The following ZNF407 variants were observed in gnomAD, a reference collection of about 807,000 sequenced individuals.
The protein encoded by ZNF407 is zinc finger protein 407.
ZNF407 carries 17 observed loss-of-function variants against 131.2 expected under a neutral mutation model. The ratio of observed to expected loss-of-function variants is 0.13; its 90% CI spans 0.09 to 0.19. The LOEUF (loss-of-function observed/expected upper bound fraction) is 0.19. Among genes scored for constraint, ZNF407 ranks in the 10% least tolerant of loss-of-function variants. The pLI, the probability that ZNF407 is intolerant of heterozygous loss-of-function variation, is 1.00. For synonymous variants in ZNF407, 1,156 were observed against 1,062.0 expected (o/e 1.09, Z -1.72); for missense variants, 2,681 against 2,830.6 (o/e 0.95, Z 1.20).
chr18:74,770,410 A>G (rs1177007688), intron 3 of ZNF407, among the ~76,000 whole-genome samples: 1 of 151,956 alleles, frequency 6.6e-6, no homozygotes, highest in Non-Finnish European at 1.5e-5. Context: ...AAAATAACCA[A>G]CCTTTCTCTC....
At chr18:74,733,494 T>C (rs979486333) in intron 3 of ZNF407, among the ~76,000 whole-genome samples, 1 of 152,224 alleles carries the variant, frequency 6.6e-6, no homozygotes, top group Admixed American at 6.5e-5. Flanking sequence ...TTCCATTTTA[T>C]CTGTTTCTTA....
At chr18:74,623,844 C>T (rs1983671280) in intron 1 of ZNF407, among the ~76,000 whole-genome samples, 2 of 151,912 alleles carry the variant, frequency 1.3e-5, no homozygotes, top group Non-Finnish European at 2.9e-5. Flanking sequence ...CTTATGTTGA[C>T]AGTCAAGGAA....
intron 4 of ZNF407, among the ~76,000 whole-genome samples, chr18:74,809,742 T>C (rs2145086060): frequency 6.6e-6 from 1 of 152,334 alleles, no homozygotes; most frequent in East Asian, 1.9e-4. Context: ...CCTTTGCACA[T>C]ACATACAAAG....
At chr18:74,755,771 T>TTCTTTCTTTCTTTCTTTC (rs1265035731) in intron 3 of ZNF407, among the ~76,000 whole-genome samples, 23 of 130,572 alleles carry the variant, frequency 1.8e-4, no homozygotes, top group South Asian at 2.6e-4. Flanking sequence ...CTTTCTTTCT[T>TTCTTTCTTTCTTTCTTTC]TCTCTCTCTC....
Position 75,064,740 on chromosome 18 carries a change from T to G in ZNF407, c.*272T>G. On this transcript the variant is annotated 3_prime_UTR_variant, in exon 9 of 9. Transcript: ENST00000299687. ...GGGAGCTCCGGTCCACTGGGGGCCC[T>G]TCGATCAGTGGCCTCCCGCTTCGTC... 2 of 366,436 alleles carry G rather than the reference T, an allele frequency of 5.5e-6. No homozygotes were observed. Among genetic ancestry groups the G allele is most frequent in the Non-Finnish European group, 9.9e-6 (2 of 202,964 alleles). The allele number at this position is 366,436 out of a possible 1,614,324, so 22.7% of individuals were successfully genotyped here.
At chr18:75,024,069 ATG>A (rs1310484327) in intron 8 of ZNF407, among the ~76,000 whole-genome samples, 1 of 152,208 alleles carries the variant, frequency 6.6e-6, no homozygotes, top group Admixed American at 6.5e-5. Context: ...CTCAAAATGT[ATG>A]TGAGTTCATG....
rs775196119 is a variant in ZNF407, at chr18:74,676,244, G to GCCA, written c.4802+35124_4802+35126dup. Among the ~76,000 whole-genome samples, 9 of 151,392 alleles carry GCCA rather than the reference G, an allele frequency of 5.9e-5. No homozygotes were observed. The East Asian group carries it at 1.6e-3, about 27-fold the overall frequency. On this transcript the variant is annotated intron_variant, in intron 3 of 8. Coordinates refer to ENST00000299687, the MANE Select transcript of ZNF407 (RefSeq NM_017757.3). ...GTAGCTGGGATTACAGATGCATGCT[G>GCCA]CCACGCCCGGCTAATTTTTTGTGTT...
intron 3 of ZNF407, among the ~76,000 whole-genome samples, chr18:74,670,363 A>G (rs117763606): frequency 1.6e-4 from 24 of 152,360 alleles, no homozygotes; most frequent in Non-Finnish European, 3.1e-4. Context: ...ATAAGAGCAC[A>G]AAATTGGATG....
chr18:74,862,146 A>G (rs1970946325), intron 4 of ZNF407, among the ~76,000 whole-genome samples: 1 of 152,250 alleles, frequency 6.6e-6, no homozygotes, highest in African/African-American at 2.4e-5. Context: ...TTTTGGTTTT[A>G]TCCAATACAT....
chr18:75,027,312 C>T (rs1033828498), intron 8 of ZNF407, among the ~76,000 whole-genome samples: 1 of 152,174 alleles, frequency 6.6e-6, no homozygotes, highest in African/African-American at 2.4e-5. Flanking sequence ...GGGTTTTCAT[C>T]CCTGGGATTC....
chr18:74,646,854 G>A (rs1382804039), intron 3 of ZNF407, among the ~76,000 whole-genome samples: 1 of 152,174 alleles, frequency 6.6e-6, no homozygotes, highest in African/African-American at 2.4e-5. Context: ...CCTCCTCACA[G>A]GGGAAGGACA....
intron 8 of ZNF407, among the ~76,000 whole-genome samples, chr18:74,958,458 G>A (rs577559125): frequency 6.6e-6 from 1 of 152,234 alleles, no homozygotes; most frequent in South Asian, 2.1e-4. Context: ...GCCATGAGGA[G>A]GAGCCCCGTC....
chr18:74,886,420 G>GATGAGGAAATAC (rs71170329), intron 6 of ZNF407, among the ~76,000 whole-genome samples: 1 of 152,084 alleles, frequency 6.6e-6, no homozygotes, highest in East Asian at 1.9e-4. Flanking sequence ...TTACCCAAGG[G>GATGAGGAAATAC]ATGTTCATAT....
At position 75,063,079 on chromosome 18, in the gene ZNF407, C is replaced by A; in HGVS notation, c.5429-71C>A. ...CTCTGCTGAGGCCTGAGCGCTTCTGCAGAAGAAGTGTCTTACTTGTAAGCC... is the reference window on the plus strand; with the variant it reads ...CTCTGCTGAGGCCTGAGCGCTTCTGAAGAAGAAGTGTCTTACTTGTAAGCC... On this transcript the variant is annotated intron_variant, in intron 8 of 8. Coordinates refer to ENST00000299687, the MANE Select transcript of ZNF407 (RefSeq NM_017757.3). This position sits in a 1 kb window ranked among gnomAD's most constrained non-coding sequence, Gnocchi z 6.6. 1 of 1,412,506 alleles carries A rather than the reference C, an allele frequency of 7.1e-7. No individual in the cohort carries two copies. Among genetic ancestry groups the A allele is most frequent in the Non-Finnish European group, 9.6e-7 (1 of 1,039,244 alleles). 87.5% of individuals were successfully genotyped at this position (1,412,506 alleles called of 1,614,324 possible).
chr18:74,998,447 C>T (rs546391837), intron 8 of ZNF407, among the ~76,000 whole-genome samples: 2 of 152,320 alleles, frequency 1.3e-5, no homozygotes, highest in African/African-American at 4.8e-5. Context: ...CTCTAATCCA[C>T]TTTTCCATAT....
Position 74,869,758 on chromosome 18 carries a change from C to CATTG in ZNF407, c.4878-7435_4878-7432dup, listed in dbSNP as rs1326205122. On this transcript the variant is annotated intron_variant, in intron 4 of 8. Coordinates refer to ENST00000299687, the MANE Select transcript of ZNF407 (RefSeq NM_017757.3). The stretch of plus-strand genomic sequence containing the variant: ...GTCAAGTTTTATTGGAACACAGCCA[C>CATTG]ATTGATTTGTTTATGATGCTTTTGT... Among the ~76,000 whole-genome samples the CATTG allele has an allele frequency of 3.3e-5, 5 of 152,106 alleles. No individual in the cohort carries two copies. The South Asian group carries it at 1.0e-3, about 32-fold the overall frequency.
At chr18:74,648,168 T>C (rs914156977) in intron 3 of ZNF407, among the ~76,000 whole-genome samples, 2 of 152,158 alleles carry the variant, frequency 1.3e-5, no homozygotes, top group Non-Finnish European at 2.9e-5. Context: ...ATACCAAGTC[T>C]CCCTAGCTGC....
At chr18:74,913,790 C>G (rs2628110) in intron 7 of ZNF407, among the ~76,000 whole-genome samples, 119,596 of 152,192 alleles carry the variant, frequency 0.79, 48,127 homozygotes, top group Non-Finnish European at 0.87. Context: ...ATAACATAAA[C>G]AGGCTTTTTG....
At chr18:74,755,014 T>G (rs113655524) in intron 3 of ZNF407, among the ~76,000 whole-genome samples, 22,988 of 152,200 alleles carry the variant, frequency 0.15, 2,202 homozygotes, top group Non-Finnish European at 0.22. Flanking sequence ...AAGGACTTGC[T>G]TTAGGAATCT....
Sources: gnomAD v4.1 joint callset for allele counts (sites outside exome capture counted in the v4.1 genomes callset) on GRCh38, gnomAD v4.1.1 for gene constraint, Gnocchi (gnomAD v3.1) non-coding constraint, MANE v1.5 for transcripts, NCBI Gene and HGNC (gene_info 2026-07-23, HGNC 2026-07-21) for gene names.